NKAIN2: variants seen among roughly 807,000 people sequenced by gnomAD.
NKAIN2 encodes the protein sodium/potassium transporting ATPase interacting 2, also known as sodium/potassium-transporting ATPase subunit beta-1-interacting protein 2.
Under a neutral mutation model 32.6 loss-of-function variants are expected in NKAIN2, and 14 were observed. That is an observed-to-expected ratio of 0.43 (90% confidence interval 0.28 to 0.67). The LOEUF (loss-of-function observed/expected upper bound fraction) is 0.67, where lower values mean the gene tolerates loss of function less well. NKAIN2 is among the 30% of genes least tolerant of loss of function. The probability of loss-of-function intolerance (pLI) is 0.17; values close to 1 mark genes in which losing one functional copy is unlikely to be tolerated. For synonymous variants in NKAIN2, 80 were observed against 87.2 expected (o/e 0.92, Z 0.46); for missense variants, 198 against 258.3 (o/e 0.77, Z 1.60).
intron 1 of NKAIN2, among the ~76,000 whole-genome samples, chr6:124,235,155 T>G (rs1224750687): frequency 6.6e-6 from 1 of 152,224 alleles, no homozygotes. Flanking sequence ...TATGGAGGTT[T>G]ACAGATCTTG....
chr6:123,904,799 G>A (rs1032492453), intron 1 of NKAIN2, among the ~76,000 whole-genome samples: 4 of 152,068 alleles, frequency 2.6e-5, no homozygotes, highest in Admixed American at 6.6e-5. Flanking sequence ...TCTCTCCCTC[G>A]CTTGGATGTA....
chr6:124,572,704 C>T (rs1010186118), intron 3 of NKAIN2, among the ~76,000 whole-genome samples: 2 of 150,910 alleles, frequency 1.3e-5, no homozygotes, highest in Admixed American at 6.6e-5. Flanking sequence ...AGAGTTCATC[C>T]CAGAAACATA....
intron 1 of NKAIN2, among the ~76,000 whole-genome samples, chr6:123,819,883 AT>A (rs1172813615): frequency 6.6e-6 from 1 of 152,148 alleles, no homozygotes; most frequent in Non-Finnish European, 1.5e-5. Flanking sequence ...GTTATGCTTG[AT>A]TTTTTTCAGC....
intron 4 of NKAIN2, among the ~76,000 whole-genome samples, chr6:124,668,454 C>T (rs779416303): frequency 4.6e-5 from 7 of 152,050 alleles, no homozygotes; most frequent in African/African-American, 1.7e-4. Flanking sequence ...TTTCCTCTCA[C>T]GACCTAGTGT....
Position 124,753,631 on chromosome 6 carries a change from G to T in NKAIN2, c.475-37708G>T, listed in dbSNP as rs140730737. Among the ~76,000 whole-genome samples, 688 of 152,188 alleles carry T rather than the reference G, an allele frequency of 4.5e-3. 3 individuals are homozygous for T. The highest frequency in any genetic ancestry group is 0.015 in the African/African-American group (617 of 41,558). On this transcript the variant is annotated intron_variant, in intron 4 of 6. Coordinates refer to ENST00000368417, the MANE Select transcript of NKAIN2 (RefSeq NM_001040214.3). Reference sequence around the variant, plus strand: ...AGTTGCTCAAAGAAAGGAAATAAAAGTGATTAGATGGCCACGATTGCTCCT... The same window carrying T: ...AGTTGCTCAAAGAAAGGAAATAAAATTGATTAGATGGCCACGATTGCTCCT...
In NKAIN2 at chr6:124,752,071, T is replaced by C. The variant is rs549932675; in HGVS notation, c.475-39268T>C. Among the ~76,000 whole-genome samples, 21 of 152,136 alleles carry C rather than the reference T, an allele frequency of 1.4e-4. No homozygotes were observed. In the South Asian group the frequency reaches 4.1e-3, roughly 30 times the overall value. ...CAAGTGTCTGTATTTCAGAAAGTAT[T>C]ACTGCTTTAGAAAATGCCTAGCTTT... On this transcript the variant is annotated intron_variant, in intron 4 of 6. Transcript: ENST00000368417.
intron 1 of NKAIN2, among the ~76,000 whole-genome samples, chr6:123,986,709 T>C (rs1378436251): frequency 1.3e-5 from 2 of 152,274 alleles, no homozygotes; most frequent in Admixed American, 1.3e-4. Flanking sequence ...CCCATTCACA[T>C]CTAAGACTGA....
chr6:124,065,610 A>G (rs1177670800), intron 1 of NKAIN2, among the ~76,000 whole-genome samples: 1 of 152,158 alleles, frequency 6.6e-6, no homozygotes, highest in Non-Finnish European at 1.5e-5. Flanking sequence ...AGCCCTCACC[A>G]GACACCAAAA....
chr6:124,166,665 T>C (rs1424290879), intron 1 of NKAIN2, among the ~76,000 whole-genome samples: 9 of 152,048 alleles, frequency 5.9e-5, no homozygotes, highest in African/African-American at 2.2e-4. Flanking sequence ...AAGGTTTAAG[T>C]CTTTAATCCA....
chr6:123,859,024 A>G (rs1042202921), intron 1 of NKAIN2, among the ~76,000 whole-genome samples: 1 of 152,170 alleles, frequency 6.6e-6, no homozygotes, highest in Non-Finnish European at 1.5e-5. Context: ...ACTTAAACAT[A>G]TATATGTACA....
At chr6:124,076,634 A>C (rs552352282) in intron 1 of NKAIN2, among the ~76,000 whole-genome samples, 19 of 152,336 alleles carry the variant, frequency 1.2e-4, no homozygotes, top group African/African-American at 4.3e-4. Context: ...TAGCAGAGTT[A>C]TCCTCCTTTA....
intron 3 of NKAIN2, among the ~76,000 whole-genome samples, chr6:124,599,372 T>C (rs906396689): frequency 6.6e-6 from 1 of 152,062 alleles, no homozygotes; most frequent in African/African-American, 2.4e-5. Context: ...ACAGCTAAAG[T>C]GATTGTGGAT....
intron 1 of NKAIN2, among the ~76,000 whole-genome samples, chr6:124,175,280 G>T (rs1789099630): frequency 6.6e-6 from 1 of 152,150 alleles, no homozygotes; most frequent in Admixed American, 6.6e-5. Flanking sequence ...TGCATACTAG[G>T]CTGCACATCT....
chr6:124,274,473 A>T (rs531052331), intron 1 of NKAIN2, among the ~76,000 whole-genome samples: 2 of 152,242 alleles, frequency 1.3e-5, no homozygotes, highest in Non-Finnish European at 2.9e-5. Context: ...CAGAAGCCCT[A>T]AAAATTGTGA....
At chr6:123,850,342 GA>G (rs367601380) in intron 1 of NKAIN2, among the ~76,000 whole-genome samples, 5,453 of 128,952 alleles carry the variant, frequency 0.042, 233 homozygotes, top group African/African-American at 0.12. Flanking sequence ...GCAAGCTGCT[GA>G]AAAAAAAAAA....
chr6:123,897,690 A>C (rs1774350965), intron 1 of NKAIN2, among the ~76,000 whole-genome samples: 2 of 151,944 alleles, frequency 1.3e-5, no homozygotes, highest in South Asian at 4.1e-4. Context: ...CTTGAATGTC[A>C]TCTCCTGCTT....
intron 1 of NKAIN2, among the ~76,000 whole-genome samples, chr6:124,090,579 G>A (rs1784373620): frequency 6.6e-6 from 1 of 152,006 alleles, no homozygotes; most frequent in African/African-American, 2.4e-5. Context: ...CAAGTCAGCA[G>A]ACATCTTCTA....
At chr6:123,827,327 A>G (rs931944513) in intron 1 of NKAIN2, among the ~76,000 whole-genome samples, 23 of 152,156 alleles carry the variant, frequency 1.5e-4, no homozygotes, top group African/African-American at 5.1e-4. Context: ...ATGTCTTGAT[A>G]TACAGGAACC....
intron 3 of NKAIN2, among the ~76,000 whole-genome samples, chr6:124,399,331 A>C (rs1256071655): frequency 1.3e-5 from 2 of 152,186 alleles, no homozygotes; most frequent in Non-Finnish European, 2.9e-5. Flanking sequence ...TGGTTCACCT[A>C]GTAGTTTTGG....
Sources: gnomAD v4.1 joint callset for allele counts (sites outside exome capture counted in the v4.1 genomes callset) on GRCh38, gnomAD v4.1.1 for gene constraint, MANE v1.5 for transcripts, NCBI Gene and HGNC (gene_info 2026-07-23, HGNC 2026-07-21) for gene names.